Variants in HNRNPA3 observed in about 807,000 individuals in gnomAD.
HNRNPA3 encodes epididymis secretory sperm binding protein.
A neutral mutation model predicts 45.8 loss-of-function variants in HNRNPA3; 3 were observed. The observed-to-expected ratio is 0.07, with a 90% CI of 0.03 to 0.17. HNRNPA3 has a LOEUF of 0.17. HNRNPA3 is among the 10% of genes least tolerant of loss of function. The probability of loss-of-function intolerance (pLI) is 1.00; values close to 1 mark genes in which losing one functional copy is unlikely to be tolerated. For synonymous variants in HNRNPA3, 170 were observed against 155.6 expected, an observed-to-expected ratio of 1.09 and a Z score of -0.69; for missense variants, 183 against 480.3, an observed-to-expected ratio of 0.38 and a Z score of 5.79.
At chr2:177,222,049 T>C (rs757372513), downstream of HNRNPA3, 10 of 152,662 alleles carry the variant, frequency 6.6e-5, no homozygotes, top group African/African-American at 2.2e-4. Context: ...AGTAATCTTT[T>C]TGATTTGCAG....
downstream of HNRNPA3, chr2:177,220,951 T>C (rs2105439434): frequency 6.5e-6 from 1 of 152,740 alleles, no homozygotes; most frequent in South Asian, 2.1e-4. Context: ...TCAAGTCTTT[T>C]GTTTTAAGAA....
At chr2:177,215,062 C>A (rs979972619) in intron 1 of HNRNPA3, among the ~76,000 whole-genome samples, 1 of 152,102 alleles carries the variant, frequency 6.6e-6, no homozygotes, top group Non-Finnish European at 1.5e-5. Flanking sequence ...CATAAGTTAG[C>A]CCCTTTAACA....
At chr2:177,223,879 A>G (rs1394314860), downstream of HNRNPA3, 1 of 152,202 alleles carries the variant, frequency 6.6e-6, no homozygotes, top group African/African-American at 2.4e-5. Flanking sequence ...GTCACTTCAC[A>G]ATGTTCATGT....
chr2:177,222,402 G>C (rs1369740390), downstream of HNRNPA3: 1 of 152,140 alleles, frequency 6.6e-6, no homozygotes, highest in African/African-American at 2.4e-5. Context: ...CTCAATTTTT[G>C]GTAAAGTGGT....
intron 8 of HNRNPA3, 139 bp from the exon 9 acceptor site, chr2:177,218,898 C>G: frequency 1.0e-6 from 1 of 965,710 alleles, no homozygotes; most frequent in East Asian, 2.5e-5. Context: ...ATCCTGACAT[C>G]AGTTACCCCA....
At chr2:177,221,336 A>G (rs1313076735), downstream of HNRNPA3, 1 of 152,478 alleles carries the variant, frequency 6.6e-6, no homozygotes, top group Non-Finnish European at 1.5e-5. Context: ...AATTGTCTCA[A>G]GTTCTTTTAT....
In HNRNPA3 at chr2:177,212,888, G is replaced by T. The variant is rs941195244; in HGVS notation, c.72+17G>T. The T allele has an allele frequency of 2.1e-6, 3 of 1,435,654 alleles. No individual in the cohort carries two copies. The highest frequency in any genetic ancestry group is 2.8e-6 in the Non-Finnish European group (3 of 1,068,420). The allele number at this position is 1,435,654 out of a possible 1,614,324, so 88.9% of individuals were successfully genotyped here. ...GGGGAGGAGGTATTAGGGGGAGAGC[G>T]GGGGGTTGGTGGGGAATGGCCGGCG... On this transcript the variant is annotated intron_variant, in intron 1 of 10. Coordinates refer to ENST00000392524, the Ensembl canonical transcript of HNRNPA3.
At chr2:177,215,030 G>C (rs150714573) in intron 1 of HNRNPA3, among the ~76,000 whole-genome samples, 1 of 152,188 alleles carries the variant, frequency 6.6e-6, no homozygotes, top group South Asian at 2.1e-4. Flanking sequence ...GCATTTGAAA[G>C]GCTGGTTATA....
chr2:177,216,229 C>T (rs754405231), intron 4 of HNRNPA3, 41 bp downstream of exon 4: 1 of 1,337,698 alleles, frequency 7.5e-7, no homozygotes, highest in Non-Finnish European at 1.0e-6. Flanking sequence ...GAAAGTAGAA[C>T]TGGTTTTTCT....
chr2:177,219,127 T>A, exon 9 of HNRNPA3: 3 of 1,614,108 alleles, frequency 1.9e-6, no homozygotes, highest in Non-Finnish European at 2.5e-6. Context: ...GGGGGCAGTT[T>A]TGGTGGAAGA....
At chr2:177,215,476 C>CTCT in intron 1 of HNRNPA3, 63 bp from the exon 2 acceptor site, 1 of 1,497,144 alleles carries the variant, frequency 6.7e-7, no homozygotes, top group Admixed American at 1.7e-5. Flanking sequence ...ACATTAAAGG[C>CTCT]TCTTCGTGCA....
intron 4 of HNRNPA3, 71 bp from the exon 5 acceptor site, chr2:177,216,432 G>C: frequency 2.8e-6 from 3 of 1,067,116 alleles, no homozygotes; most frequent in Non-Finnish European, 2.8e-6. Flanking sequence ...TAATGACAGA[G>C]GGTATCTCAT....
rs770020869 is a variant in HNRNPA3 at position 177,215,934 on chromosome 2, T to TG, written c.342+39dup. The TG allele has an allele frequency of 7.5e-6, 12 of 1,596,326 alleles. No individual in the cohort carries two copies. In the Admixed American group the frequency reaches 2.0e-4, roughly 26 times the overall value. On this transcript the variant is annotated intron_variant, in intron 3 of 10. Transcript: ENST00000392524. ...TACATTGTGTAATATGTGAAATTGT[T>TG]GTGAAAGTTTGTTTCTTGACTTAAT...
chr2:177,214,111 C>T (rs191093456), intron 1 of HNRNPA3, among the ~76,000 whole-genome samples: 117 of 152,338 alleles, frequency 7.7e-4, no homozygotes, highest in African/African-American at 2.6e-3. Flanking sequence ...AACCTTAATG[C>T]ATGCATTAAA....
chr2:177,220,372 T>C (rs1689136064), downstream of HNRNPA3: 1 of 154,116 alleles, frequency 6.5e-6, no homozygotes, highest in African/African-American at 2.4e-5. Flanking sequence ...CTTTTGAAAA[T>C]ATAGAACCAT....
chr2:177,219,101 T>A, exon 9 of HNRNPA3: 1 of 1,614,110 alleles, frequency 6.2e-7, no homozygotes, highest in East Asian at 2.2e-5. Flanking sequence ...AGCAATCAAA[T>A]TATGGACCCA....
At chr2:177,213,553 G>A (rs941406341) in intron 1 of HNRNPA3, among the ~76,000 whole-genome samples, 3 of 152,152 alleles carry the variant, frequency 2.0e-5, no homozygotes, top group African/African-American at 7.2e-5. Flanking sequence ...AAACTTTGCT[G>A]CTTTAAAATA....
downstream of HNRNPA3, chr2:177,220,812 A>G (rs2105439106): frequency 6.5e-6 from 1 of 152,758 alleles, no homozygotes; most frequent in East Asian, 1.9e-4. Flanking sequence ...GTTTTAGTTA[A>G]TAAGGTCATA....
intron 7 of HNRNPA3, 106 bp from the exon 8 acceptor site, chr2:177,217,599 C>A: frequency 7.2e-7 from 1 of 1,391,072 alleles, no homozygotes; most frequent in Non-Finnish European, 1.0e-6. Context: ...TGTACTTGAG[C>A]CCGGGCAACA....
Sources: allele counts gnomAD v4.1 joint callset (sites outside exome capture counted in the v4.1 genomes callset), GRCh38; gene constraint gnomAD v4.1.1; transcripts MANE v1.5; gene names NCBI Gene and HGNC (gene_info 2026-07-23, HGNC 2026-07-21).